NSD3: variants seen among roughly 807,000 people sequenced by gnomAD.
NSD3 encodes the protein histone-lysine N-methyltransferase NSD3.
NSD3 carries 24 observed loss-of-function variants against 160.8 expected under a neutral mutation model. The observed-to-expected ratio is 0.15, with a 90% confidence interval of 0.11 to 0.21. The LOEUF is 0.21. Among genes scored for constraint, NSD3 ranks in the 10% least tolerant of loss-of-function variants. The probability of loss-of-function intolerance (pLI) is 1.00; values close to 1 mark genes in which losing one functional copy is unlikely to be tolerated. For synonymous variants in NSD3, 520 were observed against 600.0 expected, an observed-to-expected ratio of 0.87 and a Z score of 1.95; for missense variants, 1,157 against 1,735.9, an observed-to-expected ratio of 0.67 and a Z score of 5.93.
chr8:38,378,486 CA>C (rs1427135467), intron 1 of NSD3, among the ~76,000 whole-genome samples: 2 of 152,076 alleles, frequency 1.3e-5, no homozygotes, highest in Admixed American at 1.3e-4. Flanking sequence ...CTAAAAAATA[CA>C]AAAAATTAGC....
intron 2 of NSD3, among the ~76,000 whole-genome samples, chr8:38,346,895 T>A (rs1000327848): frequency 7.0e-6 from 1 of 142,696 alleles, no homozygotes; most frequent in African/African-American, 2.6e-5. Flanking sequence ...TAAGCTAGAA[T>A]TATGTTACAT....
At chr8:38,290,717 G>A (rs375716865) in intron 16 of NSD3, 40 bp from the exon 17 acceptor site, 172 of 1,593,120 alleles carry the variant, frequency 1.1e-4, no homozygotes, top group Middle Eastern at 2.1e-4. Context: ...GGGCAAAAAC[G>A]AAACAAAAAA....
At chr8:38,294,852 G>GT (rs1554523162) in intron 16 of NSD3, among the ~76,000 whole-genome samples, 5 of 150,384 alleles carry the variant, frequency 3.3e-5, no homozygotes, top group Non-Finnish European at 7.4e-5. Flanking sequence ...AATTTTTAAA[G>GT]TTTTTTTTTG....
intron 1 of NSD3, among the ~76,000 whole-genome samples, chr8:38,368,314 G>A (rs977241960): frequency 1.3e-5 from 2 of 152,150 alleles, no homozygotes; most frequent in Admixed American, 6.5e-5. Context: ...TAACTTTAGC[G>A]TTGTCACCTC....
At chr8:38,357,118 C>CAAAAAA (rs966483645) in intron 1 of NSD3, among the ~76,000 whole-genome samples, 1,254 of 21,300 alleles carry the variant, frequency 0.059, 174 homozygotes, top group Non-Finnish European at 0.075. Context: ...GACACCATCT[C>CAAAAAA]AAAAAAAAAA....
intron 16 of NSD3, among the ~76,000 whole-genome samples, chr8:38,291,618 A>G (rs1808998756): frequency 6.6e-6 from 1 of 152,232 alleles, no homozygotes; most frequent in South Asian, 2.1e-4. Flanking sequence ...ATGGGTAAGA[A>G]TCCATGCGCA....
intron 19 of NSD3, among the ~76,000 whole-genome samples, chr8:38,282,768 A>G (rs1808760398): frequency 6.7e-6 from 1 of 149,230 alleles, no homozygotes; most frequent in African/African-American, 2.5e-5. Flanking sequence ...AAAATCAGGC[A>G]GATTCTCTTG....
At chr8:38,367,741 T>C (rs1055519007) in intron 1 of NSD3, among the ~76,000 whole-genome samples, 8 of 152,088 alleles carry the variant, frequency 5.3e-5, no homozygotes, top group African/African-American at 1.9e-4. Context: ...AAACTAACTT[T>C]AAATCTCATC....
intron 1 of NSD3, among the ~76,000 whole-genome samples, chr8:38,369,053 A>G (rs553118172): frequency 6.6e-6 from 1 of 152,316 alleles, no homozygotes; most frequent in Non-Finnish European, 1.5e-5. Context: ...CAAAGATGAT[A>G]TGTAGTTTTT....
chr8:38,316,037 T>A lies in NSD3; in HGVS notation c.1861A>T (p.Ser621Cys), dbSNP rs1284058503. ...TVKTGLQKGA[S>C]EISDSCKPLK... ...GGTTTACAGGAATCTGAAATCTCGCTGGCACCTTAATACAACACACTGAAA... is the reference window on the plus strand; with the variant it reads ...GGTTTACAGGAATCTGAAATCTCGCAGGCACCTTAATACAACACACTGAAA... The change falls in exon 10 of 24, where the codon AGC becomes TGC. Residue 621 changes from serine to cysteine, a missense_variant. Physicochemically the swap from Ser to Cys is moderately radical, Grantham distance 112 (BLOSUM62 -1). Around this residue, in one of 10 missense-constraint regions of NSD3, gnomAD observed 3 missense variants for 21.9 expected, o/e 0.14. Coordinates refer to ENST00000317025, the MANE Select transcript of NSD3 (RefSeq NM_023034.2). This position sits in a 1 kb window ranked among gnomAD's most constrained non-coding sequence, Gnocchi z 4.5. 2.5e-6 allele frequency: 4 copies of A among 1,612,576 alleles called. No individual in the cohort carries two copies.
At position 38,321,197 on chromosome 8, in the gene NSD3, AC is replaced by A; in HGVS notation, c.1709-26del. 1 of 1,589,168 alleles carries A rather than the reference AC, an allele frequency of 6.3e-7. No homozygotes were observed. The highest frequency in any genetic ancestry group is 1.3e-5 in the African/African-American group (1 of 74,402). On this transcript the variant is annotated intron_variant, in intron 7 of 23. Coordinates refer to ENST00000317025, the MANE Select transcript of NSD3 (RefSeq NM_023034.2). This position sits in a 1 kb window ranked among gnomAD's most constrained non-coding sequence, Gnocchi z 4.7. The stretch of plus-strand genomic sequence containing the variant: ...CCTAAGAAATGATTTAAACACACAA[AC>A]AAAAACTCACTTAAGGATACCTTGA...
intron 1 of NSD3, among the ~76,000 whole-genome samples, chr8:38,352,489 G>T (rs1446477493): frequency 6.6e-6 from 1 of 152,188 alleles, no homozygotes; most frequent in Non-Finnish European, 1.5e-5. Flanking sequence ...CTGGTTCATA[G>T]GTAAAAGAAA....
chr8:38,283,633 C>T (rs918651670), intron 19 of NSD3, among the ~76,000 whole-genome samples: 2 of 152,144 alleles, frequency 1.3e-5, no homozygotes, highest in Non-Finnish European at 2.9e-5. Context: ...CTAGAAGGGC[C>T]CTAACCTCCC....
intron 12 of NSD3, among the ~76,000 whole-genome samples, chr8:38,306,728 G>A (rs564182519): frequency 3.3e-5 from 5 of 152,236 alleles, no homozygotes; most frequent in African/African-American, 7.2e-5. Context: ...ATGTAAATGG[G>A]CAATTTACAT....
intron 12 of NSD3, among the ~76,000 whole-genome samples, chr8:38,312,226 TCTGA>T (rs1166745110): frequency 1.2e-4 from 18 of 150,748 alleles, no homozygotes; most frequent in Admixed American, 1.0e-3. Flanking sequence ...ATGTGAGTCC[TCTGA>T]CTTTGTTCTA....
chr8:38,301,415 T>G (rs1186379922), intron 14 of NSD3, among the ~76,000 whole-genome samples: 1 of 152,120 alleles, frequency 6.6e-6, no homozygotes, highest in African/African-American at 2.4e-5. Context: ...CCATCTCTAC[T>G]AAAAATACAA....
rs750109028 is a variant in NSD3, at chr8:38,290,491, G to C, written c.3102C>G (p.Asn1034Lys). 3.1e-6 allele frequency: 5 copies of C among 1,614,092 alleles called. No homozygotes were observed. Among genetic ancestry groups the C allele is most frequent in the Non-Finnish European group, 4.2e-6 (5 of 1,179,988 alleles). Residue 1034 changes from asparagine to lysine, a missense_variant, in exon 17 of 24, where the codon AAC becomes AAG. Transcript: ENST00000317025. ...CCAGCTTACCCTTTTTGAAGGTCTT[G>C]TTAATACTAGTCTGCCCTTCAGCAA... ...KSFAEGQTSI[N>K]KTFKKALEEA...
In NSD3 at chr8:38,338,543, T is replaced by G. The variant is rs1289967500; in HGVS notation, c.740A>C (p.Glu247Ala). The G allele has an allele frequency of 3.7e-6, 6 of 1,613,730 alleles. No homozygotes were observed. The highest frequency in any genetic ancestry group is 5.1e-6 in the Non-Finnish European group (6 of 1,179,696). Reference protein sequence around the residue: ...KPREEPVLKEEAPVQPILSSV... With the variant: ...KPREEPVLKEAAPVQPILSSV... ...TTCAGTAAAACAACTTACTGGGGCT[T>G]CCTCTTTTAGTACTGGTTCTTCCCT... Residue 247 changes from glutamate (E) to alanine (A), a missense_variant, in exon 3 of 24, where the codon GAA becomes GCA. This residue lies in a region of NSD3 where 99 missense variants were observed against 151.8 expected (regional missense o/e 0.65). Transcript: ENST00000317025.
At position 38,321,026 on chromosome 8, in the gene NSD3, C is replaced by T; in HGVS notation, c.1809+46G>A. The T allele has an allele frequency of 6.5e-7, 1 of 1,549,380 alleles. No individual in the cohort carries two copies. On this transcript the variant is annotated intron_variant, in intron 8 of 23. Transcript: ENST00000317025. The surrounding 1 kb of genome is among the most constrained non-coding windows in gnomAD (Gnocchi z 4.7). ...TTTAAGACAGGAATGTAAGCCACAA[C>T]ATTTACAAATACAATGTTTTAACTC...
Sources: allele counts gnomAD v4.1 joint callset (sites outside exome capture counted in the v4.1 genomes callset), GRCh38; gene constraint gnomAD v4.1.1; regional missense constraint gnomAD v4.1.1; non-coding constraint Gnocchi (gnomAD v3.1); transcripts MANE v1.5; gene names NCBI Gene and HGNC (gene_info 2026-07-23, HGNC 2026-07-21).